The following DLC1 variants were observed in gnomAD, a reference collection of about 807,000 sequenced individuals.
DLC1 encodes rho GTPase-activating protein 7.
Under a neutral mutation model 140.3 loss-of-function variants are expected in DLC1, and 54 were observed. That is an observed-to-expected ratio of 0.38 (90% CI 0.31 to 0.48). The LOEUF is 0.48. Among genes scored for constraint, DLC1 ranks in the 20% least tolerant of loss-of-function variants. DLC1 has a pLI of 0.96. For synonymous variants in DLC1, 986 were observed against 728.1 expected (o/e 1.35, Z -5.70); for missense variants, 2,536 against 1,907.0 (o/e 1.33, Z -6.14).
At chr8:13,163,633 A>T (rs59805099) in intron 5 of DLC1, among the ~76,000 whole-genome samples, 8,261 of 152,106 alleles carry the variant, frequency 0.054, 753 homozygotes, top group African/African-American at 0.19. Context: ...TACTACTTCC[A>T]GAACAAGGTG....
At position 13,292,909 on chromosome 8, in the gene DLC1, A is replaced by G. The variant is rs369603757; in HGVS notation, c.1348+12360T>C. ...AGGAGCAGCAGCATGTGATCCAAACAAATTATAATGCAAATTAAAAACCAA... is the reference window on the plus strand; with the variant it reads ...AGGAGCAGCAGCATGTGATCCAAACGAATTATAATGCAAATTAAAAACCAA... On this transcript the variant is annotated intron_variant, in intron 5 of 17. Transcript: ENST00000276297. Among the ~76,000 whole-genome samples, 21 of 152,338 alleles carry G rather than the reference A, an allele frequency of 1.4e-4. 1 individual carries two copies. The East Asian group carries it at 3.7e-3, about 27-fold the overall frequency.
At chr8:13,405,945 C>CTTTA (rs1477207231) in intron 2 of DLC1, among the ~76,000 whole-genome samples, 3 of 101,268 alleles carry the variant, frequency 3.0e-5, no homozygotes, top group African/African-American at 1.1e-4. Context: ...TTCTTTCTTT[C>CTTTA]TTTCTTTCTT....
chr8:13,220,966 C>A (rs1036633345), intron 5 of DLC1, among the ~76,000 whole-genome samples: 1 of 152,094 alleles, frequency 6.6e-6, no homozygotes, highest in Non-Finnish European at 1.5e-5. Context: ...TGAAATGCAG[C>A]CCCACGTATG....
intron 4 of DLC1, among the ~76,000 whole-genome samples, chr8:13,318,798 C>A (rs540816146): frequency 6.6e-6 from 1 of 152,150 alleles, no homozygotes; most frequent in Non-Finnish European, 1.5e-5. Flanking sequence ...AGTCCTTGGC[C>A]GGCTGAACCT....
At chr8:13,396,849 T>C (rs1009425337) in intron 3 of DLC1, among the ~76,000 whole-genome samples, 9 of 152,182 alleles carry the variant, frequency 5.9e-5, no homozygotes, top group Non-Finnish European at 1.2e-4. Flanking sequence ...CGCTCCCTCC[T>C]TTAATTTTCC....
At chr8:13,359,235 T>C (rs1835104553) in intron 4 of DLC1, among the ~76,000 whole-genome samples, 1 of 151,866 alleles carries the variant, frequency 6.6e-6, no homozygotes, top group African/African-American at 2.4e-5. Flanking sequence ...ACCGCACCCA[T>C]CCTACAAACT....
chr8:13,426,440 G>A (rs1229665188), intron 2 of DLC1, among the ~76,000 whole-genome samples: 1 of 152,088 alleles, frequency 6.6e-6, no homozygotes, highest in Non-Finnish European at 1.5e-5. Flanking sequence ...TTAGTTATCT[G>A]AATAGTTACC....
At chr8:13,413,257 T>TTTTTTTTTTTTTTTTTTTTTTTTTTTTTC (rs1837878466) in intron 2 of DLC1, among the ~76,000 whole-genome samples, 1 of 48,938 alleles carries the variant, frequency 2.0e-5, no homozygotes, top group African/African-American at 9.4e-5. Context: ...TTTTTTGCGA[T>TTTTTTTTTTTTTTTTTTTTTTTTTTTTTC]TTTTTTTTTT....
chr8:13,355,112 C>A lies in DLC1; in HGVS notation c.1314+38441G>T, dbSNP rs552941753. Among the ~76,000 whole-genome samples the A allele has an allele frequency of 2.0e-3, 88 of 44,930 alleles. No individual in the cohort carries two copies. In the East Asian group the frequency reaches 0.17, roughly 87 times the overall value. 29.5% of individuals were successfully genotyped at this position (44,930 alleles called of 152,430 possible). Reference sequence around the variant, plus strand: ...TCATTTTTTAGAGCACAATATATACCATAAAGAATTAATTATTCAAATAGT... The same window carrying A: ...TCATTTTTTAGAGCACAATATATACAATAAAGAATTAATTATTCAAATAGT... On this transcript the variant is annotated intron_variant, in intron 4 of 17. Transcript: ENST00000276297.
At chr8:13,120,439 T>C (rs1820964126) in intron 5 of DLC1, among the ~76,000 whole-genome samples, 1 of 148,980 alleles carries the variant, frequency 6.7e-6, no homozygotes, top group Admixed American at 6.8e-5. Context: ...AAAATATTAC[T>C]GAAAACCGCA....
At chr8:13,409,084 G>A (rs1241531792) in intron 2 of DLC1, among the ~76,000 whole-genome samples, 1 of 151,570 alleles carries the variant, frequency 6.6e-6, no homozygotes, top group Non-Finnish European at 1.5e-5. Flanking sequence ...GTAACTCTCT[G>A]ATTCAGCCCA....
At chr8:13,497,917 A>G (rs1232174616) in intron 2 of DLC1, among the ~76,000 whole-genome samples, 1 of 152,206 alleles carries the variant, frequency 6.6e-6, no homozygotes, top group Non-Finnish European at 1.5e-5. Context: ...GACTTCATTT[A>G]AACTAACTCA....
rs1023380672 is a variant in DLC1, at chr8:13,090,138, G to T, written c.4074+114C>A. ...CACCCCGGTGCCCAGCTCTACAAGG[G>T]AGGTTGTGGGCTACAGATCCCCAGA... On this transcript the variant is annotated intron_variant, in intron 15 of 17. Coordinates refer to ENST00000276297, the MANE Select transcript of DLC1 (RefSeq NM_182643.3). 10 of 965,036 alleles carry T rather than the reference G, an allele frequency of 1.0e-5. No homozygotes were observed. In the African/African-American group the frequency reaches 1.5e-4, roughly 14 times the overall value. 59.8% of individuals were successfully genotyped at this position (965,036 alleles called of 1,614,324 possible).
At chr8:13,201,920 G>GCTT (rs1563160592) in intron 5 of DLC1, among the ~76,000 whole-genome samples, 7 of 132,404 alleles carry the variant, frequency 5.3e-5, no homozygotes, top group African/African-American at 1.9e-4. Flanking sequence ...GTACCCAAAA[G>GCTT]GTTTTTTTTT....
At chr8:13,419,553 G>T (rs890621942) in intron 2 of DLC1, among the ~76,000 whole-genome samples, 2 of 152,182 alleles carry the variant, frequency 1.3e-5, no homozygotes, top group Non-Finnish European at 2.9e-5. Context: ...TGGCATCCCA[G>T]GGATGAAGCC....
intron 4 of DLC1, among the ~76,000 whole-genome samples, chr8:13,315,761 A>T (rs954094273): frequency 6.6e-6 from 1 of 152,196 alleles, no homozygotes; most frequent in Non-Finnish European, 1.5e-5. Context: ...ACCTGGATGG[A>T]GACAGGGAGT....
rs1381046609 is a variant in DLC1, at chr8:13,086,082, C to T, written c.4467-151G>A. 2.2e-6 allele frequency: 3 copies of T among 1,391,554 alleles called. No individual in the cohort carries two copies. The African/African-American group carries it at 4.4e-5, about 20-fold the overall frequency. 86.2% of individuals were successfully genotyped at this position (1,391,554 alleles called of 1,614,324 possible). On this transcript the variant is annotated intron_variant, in intron 17 of 17. Coordinates refer to ENST00000276297, the MANE Select transcript of DLC1 (RefSeq NM_182643.3). ...TGGCCGAGCTACCATATTTGCTTTG[C>T]TTTAGAACCACATTTTCTAAGGGAA... is the stretch of plus-strand genomic sequence containing the variant.
chr8:13,214,016 T>C (rs1327946072), intron 5 of DLC1, among the ~76,000 whole-genome samples: 1 of 152,166 alleles, frequency 6.6e-6, no homozygotes, highest in Non-Finnish European at 1.5e-5. Context: ...ACTCCTGATC[T>C]CAAGTGATCC....
chr8:13,506,581 G>GTGTGTGTA (rs1246764417), intron 1 of DLC1, among the ~76,000 whole-genome samples: 18 of 131,144 alleles, frequency 1.4e-4, no homozygotes, highest in African/African-American at 5.8e-4. Flanking sequence ...GTGTGTGTGT[G>GTGTGTGTA]TATATATATA....
Sources: gnomAD v4.1 joint callset for allele counts (sites outside exome capture counted in the v4.1 genomes callset) on GRCh38, gnomAD v4.1.1 for gene constraint, MANE v1.5 for transcripts, NCBI Gene and HGNC (gene_info 2026-07-23, HGNC 2026-07-21) for gene names.